The following KCNJ14 variants were observed in gnomAD, a reference collection of about 807,000 sequenced individuals.
KCNJ14 encodes the protein ATP-sensitive inward rectifier potassium channel 14.
A neutral mutation model predicts 24.5 loss-of-function variants in KCNJ14; 18 were observed. The observed-to-expected ratio is 0.74, with a 90% confidence interval of 0.51 to 1.09. The LOEUF (loss-of-function observed/expected upper bound fraction) is 1.09, where lower values mean the gene tolerates loss of function less well. KCNJ14 is among the 50% of genes least tolerant of loss of function. The probability of loss-of-function intolerance (pLI) is 0.00; values close to 1 mark genes in which losing one functional copy is unlikely to be tolerated. For synonymous variants in KCNJ14, 288 were observed against 270.8 expected, an observed-to-expected ratio of 1.06 and a Z score of -0.63; for missense variants, 633 against 623.0, an observed-to-expected ratio of 1.02 and a Z score of -0.17.
rs527867653 is a variant in KCNJ14 at position 48,466,081 on chromosome 19, C to CTT, written c.*1319_*1320dup. The CTT allele has an allele frequency of 6.1e-4, 86 of 141,128 alleles. No individual in the cohort carries two copies. The highest frequency in any genetic ancestry group is 2.7e-3 in the Admixed American group (38 of 14,128). 8.7% of individuals were successfully genotyped at this position (141,128 alleles called of 1,614,324 possible). A position where few individuals can be genotyped will look rare whatever the true frequency, so the allele number is the denominator to read the frequency against. ...TGTGTGTCTATTTCTTTTTCTTTTT[C>CTT]TTTTTTTTTTTTTTTTGAGACTGAG... On this transcript the variant is annotated 3_prime_UTR_variant, in exon 3 of 3. Transcript: ENST00000342291.
rs1219862327 is a variant in KCNJ14 at position 48,464,548 on chromosome 19, G to T, written c.1082G>T (p.Cys361Phe). ...RTYEVPGTPV[C>F]SAKELDERAE... ...TATGAGGTCCCAGGGACACCGGTCT[G>T]CAGTGCTAAGGAGCTGGATGAACGG... The change falls in exon 3 of 3, where the codon TGC (cysteine) becomes TTC (phenylalanine). Residue 361 changes from cysteine (C) to phenylalanine (F), a missense_variant. Transcript: ENST00000342291. 1 of 1,614,164 alleles carries T rather than the reference G, an allele frequency of 6.2e-7. No homozygotes were observed. Among genetic ancestry groups the T allele is most frequent in the African/African-American group, 1.3e-5 (1 of 75,040 alleles).
chr19:48,463,764 G>A (rs966737743), intron 2 of KCNJ14, among the ~76,000 whole-genome samples: 4 of 152,064 alleles, frequency 2.6e-5, no homozygotes, highest in East Asian at 1.9e-4. Flanking sequence ...CTTATTTTCC[G>A]TTGTCGCTTT....
chr19:48,457,741 A>G (rs1189506528), intron 1 of KCNJ14, among the ~76,000 whole-genome samples: 1 of 151,304 alleles, frequency 6.6e-6, no homozygotes, highest in Admixed American at 6.6e-5. Context: ...GCACTCGTGC[A>G]CTCTCAGCTC....
At position 48,466,490 on chromosome 19, in the gene KCNJ14, A is replaced by T. The variant is rs1971655925; in HGVS notation, c.*1713A>T. Reference sequence around the variant, plus strand: ...GTCCCTACAACAGGCTTAGAGATGGAGTGCTAGCTAATTGGAATGAGGTCC... The same window carrying T: ...GTCCCTACAACAGGCTTAGAGATGGTGTGCTAGCTAATTGGAATGAGGTCC... On this transcript the variant is annotated 3_prime_UTR_variant, in exon 3 of 3. Coordinates refer to ENST00000342291, the MANE Select transcript of KCNJ14 (RefSeq NM_013348.4). 2.0e-5 allele frequency: 3 copies of T among 152,300 alleles called. No homozygotes were observed. The South Asian group carries it at 6.2e-4, about 32-fold the overall frequency. The allele number at this position is 152,300 out of a possible 1,614,324, so 9.4% of individuals were successfully genotyped here. A position where few individuals can be genotyped will look rare whatever the true frequency, so the allele number is the denominator to read the frequency against.
rs768547413 is a variant in KCNJ14, at chr19:48,464,375, C to T, written c.909C>T (p.Leu303=). The T allele has an allele frequency of 5.6e-6, 9 of 1,612,884 alleles. No individual in the cohort carries two copies. In the East Asian group the frequency reaches 8.9e-5, roughly 16 times the overall value. ...CTGACTTTGAGCTGGTGGTCATTCTCGAGGGGATGGTTGAGGCCACAGCCA... is the reference window on the plus strand; with the variant it reads ...CTGACTTTGAGCTGGTGGTCATTCTTGAGGGGATGGTTGAGGCCACAGCCA... ...ARADFELVVI[L]EGMVEATAMT... is the part of the protein sequence containing the mutation. Residue 303 remains leucine, a synonymous_variant, in exon 3 of 3, where the codon CTC becomes CTT. Transcript: ENST00000342291.
In KCNJ14 at chr19:48,464,300, C is replaced by G. The variant is rs267605565; in HGVS notation, c.834C>G (p.Ile278Met). 1 of 1,613,822 alleles carries G rather than the reference C, an allele frequency of 6.2e-7. No individual in the cohort carries two copies. Among genetic ancestry groups the G allele is most frequent in the Non-Finnish European group, 8.5e-7 (1 of 1,179,908 alleles). Reference sequence around the variant, plus strand: ...CCCCCATCACCATCGTCCATGAGATCGACTCTGCCAGTCCTCTGTATGAGC... The same window carrying G: ...CCCCCATCACCATCGTCCATGAGATGGACTCTGCCAGTCCTCTGTATGAGC... ...LVSPITIVHE[I>M]DSASPLYELG... Residue 278 changes from isoleucine to methionine, a missense_variant, in exon 3 of 3, where the codon ATC becomes ATG. Transcript: ENST00000342291.
intron 2 of KCNJ14, among the ~76,000 whole-genome samples, chr19:48,463,874 C>T (rs913902090): frequency 2.6e-5 from 4 of 152,070 alleles, no homozygotes; most frequent in African/African-American, 7.2e-5. Flanking sequence ...GTTTTCTACC[C>T]CCAAACCCTG....
chr19:48,461,561 T>A (rs1018281578), intron 1 of KCNJ14, 109 bp from the exon 2 acceptor site: 7 of 372,234 alleles, frequency 1.9e-5, no homozygotes, highest in African/African-American at 8.7e-5. Context: ...TGCGTATCGT[T>A]CCACCTATTT....
At chr19:48,464,138 T>G in intron 2 of KCNJ14, 43 bp from the exon 3 acceptor site, 4 of 1,383,028 alleles carry the variant, frequency 2.9e-6, no homozygotes, top group Non-Finnish European at 4.1e-6. Context: ...TCTGCCCGTC[T>G]CTGTGCTCCC....
Position 48,462,414 on chromosome 19 carries a change from C to G in KCNJ14, c.690C>G (p.Ala230=). 1.3e-6 allele frequency: 2 copies of G among 1,496,492 alleles called. No homozygotes were observed. Among genetic ancestry groups the G allele is most frequent in the Non-Finnish European group, 1.8e-6 (2 of 1,118,018 alleles). 92.7% of individuals were successfully genotyped at this position (1,496,492 alleles called of 1,614,324 possible). Residue 230 remains alanine (A), a synonymous_variant, in exon 2 of 3, where the codon GCC becomes GCG. Coordinates refer to ENST00000342291, the MANE Select transcript of KCNJ14 (RefSeq NM_013348.4). This position sits in a 1 kb window ranked among gnomAD's most constrained non-coding sequence, Gnocchi z 4.9. The stretch of plus-strand genomic sequence containing the variant: ...TGCGCCGCAGCCACCTGGTCGAGGC[C>G]CACGTGCGTGCCCAGCTGCTGCAGG... The part of the protein sequence containing the change: ...GNLRRSHLVE[A]HVRAQLLQPR...
At position 48,461,963 on chromosome 19, in the gene KCNJ14, C is replaced by CATGCGTGGACAT; in HGVS notation, c.249_250insATATGCGTGGAC (p.Asp83_Val84insIleCysValAsp). On this transcript the variant is annotated inframe_insertion, in exon 2 of 3. Coordinates refer to ENST00000342291, the MANE Select transcript of KCNJ14 (RefSeq NM_013348.4). ...CGCTACCTGAGCGACCTGTTCACCA[C>CATGCGTGGACAT]ATGCGTGGACGTGCGCTGGCGCTGG... 1 of 1,613,156 alleles carries CATGCGTGGACAT rather than the reference C, an allele frequency of 6.2e-7. No individual in the cohort carries two copies. The highest frequency in any genetic ancestry group is 2.2e-5 in the East Asian group (1 of 44,872).
Position 48,464,833 on chromosome 19 carries a change from G to T in KCNJ14, c.*56G>T. 7.7e-7 allele frequency: 1 copy of T among 1,297,674 alleles called. No homozygotes were observed. The allele number at this position is 1,297,674 out of a possible 1,614,324, so 80.4% of individuals were successfully genotyped here. On this transcript the variant is annotated 3_prime_UTR_variant, in exon 3 of 3. Coordinates refer to ENST00000342291, the MANE Select transcript of KCNJ14 (RefSeq NM_013348.4). ...CCCCCTTCCCCAAGGTAGCAAGATG[G>T]AGGGATGGGGCTCTCTCCTGGGATG...
chr19:48,463,757 A>G (rs1159814352), intron 2 of KCNJ14, among the ~76,000 whole-genome samples: 1 of 151,662 alleles, frequency 6.6e-6, no homozygotes, highest in Non-Finnish European at 1.5e-5. Context: ...TGTCATCCTT[A>G]TTTTCCGTTG....
At chr19:48,463,221 G>A (rs764805788) in intron 2 of KCNJ14, among the ~76,000 whole-genome samples, 1 of 152,116 alleles carries the variant, frequency 6.6e-6, no homozygotes, top group Admixed American at 6.5e-5. Flanking sequence ...GGCAGCTGCC[G>A]TGGCCCAAGT....
At chr19:48,461,546 A>AG in intron 1 of KCNJ14, 124 bp from the exon 2 acceptor site, 1 of 397,432 alleles carries the variant, frequency 2.5e-6, no homozygotes, top group Non-Finnish European at 4.4e-6. Context: ...AAAAAAAAAA[A>AG]AAAATGCGTA....
chr19:48,462,001 T>A lies in KCNJ14; in HGVS notation c.277T>A (p.Phe93Ile). The change falls in exon 2 of 3, where the codon TTC (phenylalanine) becomes ATC (isoleucine). Residue 93 changes from phenylalanine to isoleucine, a missense_variant. By Grantham distance (21) the Phe-to-Ile change is conservative. Coordinates refer to ENST00000342291, the MANE Select transcript of KCNJ14 (RefSeq NM_013348.4). This position sits in a 1 kb window ranked among gnomAD's most constrained non-coding sequence, Gnocchi z 4.9. ...GCGCTGGCGCTGGATGTGCCTGCTC[T>A]TCTCCTGCTCCTTCCTCGCCTCCTG... ...DVRWRWMCLL[F>I]SCSFLASWLL... is the part of the protein sequence containing the mutation. The A allele has an allele frequency of 6.2e-7, 1 of 1,613,096 alleles. No homozygotes were observed. The highest frequency in any genetic ancestry group is 8.5e-7 in the Non-Finnish European group (1 of 1,179,720).
intron 1 of KCNJ14, among the ~76,000 whole-genome samples, chr19:48,457,459 G>A (rs1175394645): frequency 1.3e-5 from 2 of 152,196 alleles, no homozygotes; most frequent in African/African-American, 4.8e-5. Context: ...ATGGTAAGAA[G>A]GCCCTTCCTG....
At chr19:48,458,742 C>T (rs1361990109) in intron 1 of KCNJ14, among the ~76,000 whole-genome samples, 1 of 151,842 alleles carries the variant, frequency 6.6e-6, no homozygotes. Context: ...GGTTATTTGG[C>T]ACTAGCCCAC....
rs8100222 is a variant in KCNJ14, at chr19:48,465,592, G to A, written c.*815G>A. 7,920 of 152,596 alleles carry A rather than the reference G, an allele frequency of 0.052. 450 individuals are homozygous for A. Among genetic ancestry groups the A allele is most frequent in the Middle Eastern group, 0.15 (44 of 294 alleles). 9.5% of individuals were successfully genotyped at this position (152,596 alleles called of 1,614,324 possible). ...GAGCACCCAGCCAAGAGAATAAGCA[G>A]TGCTTTGAAAGGATCCACTGGGTGG... is the stretch of plus-strand genomic sequence containing the variant. On this transcript the variant is annotated 3_prime_UTR_variant, in exon 3 of 3. Transcript: ENST00000342291.
Sources: gnomAD v4.1 joint callset for allele counts (sites outside exome capture counted in the v4.1 genomes callset) on GRCh38, gnomAD v4.1.1 for gene constraint, Gnocchi (gnomAD v3.1) non-coding constraint, MANE v1.5 for transcripts, NCBI Gene and HGNC (gene_info 2026-07-23, HGNC 2026-07-21) for gene names.